Variants in FBXW7 observed in about 807,000 individuals in gnomAD.
FBXW7 encodes the protein F-box/WD repeat-containing protein 7.
In FBXW7, 11 loss-of-function variants were observed where a neutral mutation model predicts 86.3. The ratio of observed to expected loss-of-function variants is 0.13; its 90% confidence interval spans 0.08 to 0.21. FBXW7 has a LOEUF of 0.21. FBXW7 is among the 10% of genes least tolerant of loss of function. The pLI is 1.00. For missense variants in FBXW7, 488 were observed against 847.4 expected, an observed-to-expected ratio of 0.58 and a Z score of 5.27; for synonymous variants, 313 against 297.9, an observed-to-expected ratio of 1.05 and a Z score of -0.52.
chr4:152,496,680 GA>G (rs1579354348), intron 2 of FBXW7, among the ~76,000 whole-genome samples: 1 of 151,740 alleles, frequency 6.6e-6, no homozygotes, highest in South Asian at 2.1e-4. Flanking sequence ...AAAGAAAAAA[GA>G]AAAAAATAGA....
chr4:152,488,726 GT>G (rs1745571431), intron 2 of FBXW7, among the ~76,000 whole-genome samples: 1 of 151,960 alleles, frequency 6.6e-6, no homozygotes, highest in Admixed American at 6.6e-5. Context: ...ATTCTCTTGT[GT>G]TTTCCCATAA....
At position 152,341,836 on chromosome 4, in the gene FBXW7, T is replaced by C. The variant is rs564166868; in HGVS notation, c.727-3900A>G. On this transcript the variant is annotated intron_variant, in intron 6 of 13. Transcript: ENST00000281708. ...GTGTGTGTGTGCGCGCGCATGCATG[T>C]GTACATGAAATAACAACCTACAACA... is the stretch of plus-strand genomic sequence containing the variant. 2.6e-4 allele frequency among the ~76,000 whole-genome samples: 40 copies of C among 152,282 alleles called. No individual in the cohort carries two copies. In the South Asian group the frequency reaches 3.1e-3, roughly 12 times the overall value.
At chr4:152,444,468 CTAGAAG>C (rs1194324127) in intron 2 of FBXW7, among the ~76,000 whole-genome samples, 1 of 152,008 alleles carries the variant, frequency 6.6e-6, no homozygotes, top group African/African-American at 2.4e-5. Context: ...TCTATAATTC[CTAGAAG>C]TAGGTTTTCT....
chr4:152,408,165 T>C (rs980855928), intron 4 of FBXW7, among the ~76,000 whole-genome samples: 4 of 152,152 alleles, frequency 2.6e-5, no homozygotes, highest in African/African-American at 9.7e-5. Flanking sequence ...AAGATAGATA[T>C]GGAAGCATCA....
intron 4 of FBXW7, among the ~76,000 whole-genome samples, chr4:152,374,963 G>C (rs1339414558): frequency 1.3e-5 from 2 of 151,954 alleles, no homozygotes; most frequent in Non-Finnish European, 2.9e-5. Flanking sequence ...ATTTTTACTT[G>C]GCTAAGAGTT....
At chr4:152,396,664 T>C (rs1333539506) in intron 4 of FBXW7, among the ~76,000 whole-genome samples, 1 of 152,074 alleles carries the variant, frequency 6.6e-6, no homozygotes, top group East Asian at 1.9e-4. Flanking sequence ...GAGTTCAACA[T>C]GCACCAGCTA....
rs370207140 is a variant in FBXW7 at position 152,376,481 on chromosome 4, A to G, written c.502-26357T>C. Among the ~76,000 whole-genome samples the G allele has an allele frequency of 5.9e-5, 9 of 152,294 alleles. 1 individual carries two copies. The highest frequency in any genetic ancestry group is 2.2e-4 in the African/African-American group (9 of 41,570). ...GTTCTAACAAACCCAACAGTCTACT[A>G]CAGGAGTATAATAGATTAAAATTAT... On this transcript the variant is annotated intron_variant, in intron 4 of 13. Transcript: ENST00000281708.
intron 8 of FBXW7, among the ~76,000 whole-genome samples, chr4:152,331,410 T>G (rs1224003492): frequency 6.6e-6 from 1 of 152,034 alleles, no homozygotes; most frequent in Non-Finnish European, 1.5e-5. Context: ...TTCTGACACA[T>G]GCTATGACAT....
chr4:152,362,848 AAC>A (rs1733114585), intron 4 of FBXW7, among the ~76,000 whole-genome samples: 5 of 150,986 alleles, frequency 3.3e-5, no homozygotes, highest in Non-Finnish European at 4.4e-5. Context: ...AAAAAAAAAA[AAC>A]AACAAGAACT....
rs1350881827 is a variant in FBXW7 at position 152,320,553 on chromosome 4, AAAC to A, written c.*2325_*2327del. On this transcript the variant is annotated 3_prime_UTR_variant, in exon 14 of 14. Transcript: ENST00000281708. ...TAAATATATTTAGAACTAGTTTCAA[AAAC>A]AACTTTATTTTTTCCCCTTACATCA... 6.6e-6 allele frequency: 1 copy of A among 151,998 alleles called. No individual in the cohort carries two copies. The highest frequency in any genetic ancestry group is 6.6e-5 in the Admixed American group (1 of 15,236). The allele number at this position is 151,998 out of a possible 1,614,324, so 9.4% of individuals were successfully genotyped here.
chr4:152,510,421 CT>C (rs1321715784), intron 2 of FBXW7, among the ~76,000 whole-genome samples: 2 of 152,194 alleles, frequency 1.3e-5, no homozygotes, highest in Non-Finnish European at 1.5e-5. Flanking sequence ...ATGAGAGTAA[CT>C]TTCCCCCATA....
At chr4:152,499,935 T>C (rs1334863732) in intron 2 of FBXW7, among the ~76,000 whole-genome samples, 1 of 152,112 alleles carries the variant, frequency 6.6e-6, no homozygotes, top group Non-Finnish European at 1.5e-5. Flanking sequence ...AGTCAGTGCA[T>C]CTCTGATCAT....
chr4:152,388,751 T>G (rs1474264834), intron 4 of FBXW7, among the ~76,000 whole-genome samples: 8 of 152,136 alleles, frequency 5.3e-5, no homozygotes, highest in Non-Finnish European at 1.0e-4. Context: ...GGCTAAATAT[T>G]TAATAGATAT....
At chr4:152,488,943 T>C (rs1440855612) in intron 2 of FBXW7, among the ~76,000 whole-genome samples, 1 of 152,082 alleles carries the variant, frequency 6.6e-6, no homozygotes, top group Non-Finnish European at 1.5e-5. Flanking sequence ...AAGCCAGGTA[T>C]CTGTAAAAAT....
chr4:152,443,630 T>C (rs2126992286), intron 2 of FBXW7, among the ~76,000 whole-genome samples: 1 of 152,082 alleles, frequency 6.6e-6, no homozygotes, highest in South Asian at 2.1e-4. Context: ...GATTTTTTTC[T>C]CTTCTTTTGA....
chr4:152,368,749 A>T (rs1029035865), intron 4 of FBXW7, among the ~76,000 whole-genome samples: 2 of 152,116 alleles, frequency 1.3e-5, no homozygotes, highest in Non-Finnish European at 2.9e-5. Flanking sequence ...TAAATCAATA[A>T]CATGTATTTT....
At chr4:152,481,003 T>C (rs1744828677) in intron 2 of FBXW7, among the ~76,000 whole-genome samples, 1 of 152,200 alleles carries the variant, frequency 6.6e-6, no homozygotes. Flanking sequence ...CAACAGATTT[T>C]CAATTGAGAT....
intron 2 of FBXW7, among the ~76,000 whole-genome samples, chr4:152,534,462 T>C (rs538196982): frequency 2.0e-5 from 3 of 152,252 alleles, no homozygotes; most frequent in Admixed American, 6.5e-5. Context: ...GGTACTGAAA[T>C]GAACCTCTCT....
chr4:152,336,390 T>C (rs1460700629), intron 7 of FBXW7, among the ~76,000 whole-genome samples: 1 of 151,780 alleles, frequency 6.6e-6, no homozygotes, highest in Non-Finnish European at 1.5e-5. Context: ...GAAATTCAAA[T>C]AAAGCAAAAC....
Sources: allele counts gnomAD v4.1 joint callset (sites outside exome capture counted in the v4.1 genomes callset), GRCh38; gene constraint gnomAD v4.1.1; transcripts MANE v1.5; gene names NCBI Gene and HGNC (gene_info 2026-07-23, HGNC 2026-07-21).